The following CCKAR variants were observed in gnomAD, a reference collection of about 807,000 sequenced individuals.
CCKAR encodes the protein cholecystokinin A receptor.
CCKAR carries 21 observed loss-of-function variants against 29.8 expected under a neutral mutation model. That is an observed-to-expected ratio of 0.70 (90% CI 0.50 to 1.01). The LOEUF (loss-of-function observed/expected upper bound fraction) is 1.01. Among genes scored for constraint, CCKAR ranks in the 50% least tolerant of loss-of-function variants. CCKAR has a pLI of 0.00. For synonymous variants in CCKAR, 238 were observed against 221.3 expected (o/e 1.08, Z -0.67); for missense variants, 570 against 560.6 (o/e 1.02, Z -0.17).
chr4:26,489,104 C>CACAGCCTGATGTTCTGTGAT, intron 2 of CCKAR, 129 bp downstream of exon 2: 2 of 1,205,086 alleles, frequency 1.7e-6, no homozygotes, highest in Non-Finnish European at 2.4e-6. Context: ...CACAGCCATG[C>CACAGCCTGATGTTCTGTGAT]ACAGCCTGAT....
intron 1 of CCKAR, 105 bp downstream of exon 1, chr4:26,490,051 C>T (rs1737527425): frequency 1.4e-6 from 1 of 708,348 alleles, no homozygotes; most frequent in Non-Finnish European, 2.5e-6. Context: ...CTAGCCTTGT[C>T]TCACAATGAC....
intron 4 of CCKAR, 78 bp downstream of exon 4, chr4:26,483,078 C>T (rs931210092): frequency 6.9e-7 from 1 of 1,440,166 alleles, no homozygotes; most frequent in Non-Finnish European, 9.5e-7. Flanking sequence ...TACGTACACT[C>T]TGGGTATATC....
intron 3 of CCKAR, among the ~76,000 whole-genome samples, chr4:26,484,365 C>T (rs1005294885): frequency 7.9e-5 from 12 of 152,194 alleles, no homozygotes; most frequent in Admixed American, 7.9e-4. Context: ...CAGAGATGAT[C>T]TCAGTTTGGG....
Position 26,481,498 on chromosome 4 carries a change from C to T in CCKAR, c.*140G>A, listed in dbSNP as rs1737342777. 3.3e-6 allele frequency: 3 copies of T among 899,398 alleles called. No individual in the cohort carries two copies. In the Admixed American group the frequency reaches 6.6e-5, roughly 20 times the overall value. 55.7% of individuals were successfully genotyped at this position (899,398 alleles called of 1,614,324 possible). A position where few individuals can be genotyped will look rare whatever the true frequency, so the allele number is the denominator to read the frequency against. On this transcript the variant is annotated 3_prime_UTR_variant, in exon 5 of 5. Coordinates refer to ENST00000295589, the MANE Select transcript of CCKAR (RefSeq NM_000730.3). Reference sequence around the variant, plus strand: ...TGGAATCCAGATGAAGGATGAAAAGCAGACCTTGAAGAGTTCCCACTGGAG... The same window carrying T: ...TGGAATCCAGATGAAGGATGAAAAGTAGACCTTGAAGAGTTCCCACTGGAG...
At position 26,482,145 on chromosome 4, in the gene CCKAR, G is replaced by C. The variant is rs200117329; in HGVS notation, c.780C>G (p.Ser260Arg). 1 of 1,611,044 alleles carries C rather than the reference G, an allele frequency of 6.2e-7. No individual in the cohort carries two copies. The highest frequency in any genetic ancestry group is 2.2e-5 in the East Asian group (1 of 44,800). ...AKERKPSTTSSGKYEDSDGCY... is the reference protein window; with the variant it reads ...AKERKPSTTSRGKYEDSDGCY... ...ACCCATCGCTGTCCTCATATTTGCCGCTGCTGGTGGTGCTAGGTTTCCTTT... is the reference window on the plus strand; with the variant it reads ...ACCCATCGCTGTCCTCATATTTGCCCCTGCTGGTGGTGCTAGGTTTCCTTT... Residue 260 changes from serine to arginine, a missense_variant, in exon 5 of 5, where the codon AGC (serine) becomes AGG (arginine). Coordinates refer to ENST00000295589, the MANE Select transcript of CCKAR (RefSeq NM_000730.3).
At chr4:26,488,194 G>A (rs184472930) in intron 2 of CCKAR, among the ~76,000 whole-genome samples, 4 of 151,916 alleles carry the variant, frequency 2.6e-5, no homozygotes, top group African/African-American at 9.7e-5. Flanking sequence ...AAGGGCAAGG[G>A]ACTAGGCAAT....
intron 3 of CCKAR, 95 bp downstream of exon 3, chr4:26,485,542 A>G: frequency 7.4e-7 from 1 of 1,356,264 alleles, no homozygotes; most frequent in Admixed American, 1.9e-5. Context: ...CAGGAAACTG[A>G]TCCCCCAACC....
intron 2 of CCKAR, among the ~76,000 whole-genome samples, chr4:26,488,285 A>G (rs767959106): frequency 3.0e-4 from 45 of 152,340 alleles, no homozygotes; most frequent in Non-Finnish European, 5.7e-4. Context: ...CTGAGGTATC[A>G]TGCTCACCAT....
chr4:26,486,475 A>C (rs1315937391), intron 2 of CCKAR, among the ~76,000 whole-genome samples: 1 of 152,220 alleles, frequency 6.6e-6, no homozygotes, highest in African/African-American at 2.4e-5. Flanking sequence ...AAGACGAGGG[A>C]AAATGCCCCA....
At chr4:26,485,204 AAAAAAGAAAG>A (rs1737425604) in intron 3 of CCKAR, among the ~76,000 whole-genome samples, 1 of 151,766 alleles carries the variant, frequency 6.6e-6, no homozygotes, top group Non-Finnish European at 1.5e-5. Context: ...CAAAAAAAAA[AAAAAAGAAAG>A]AAAAAGAAAG....
At position 26,481,826 on chromosome 4, in the gene CCKAR, G is replaced by T. The variant is rs754280360; in HGVS notation, c.1099C>A (p.Pro367Thr). ...TTGTTCATGAAGCAGTAGATGATGG[G>T]GTTGACGCAGGAGGAGGTGTAGGAC... ...LLSYTSSCVN[P>T]IIYCFMNKRF... The change falls in exon 5 of 5, where the codon CCC becomes ACC. Residue 367 changes from proline to threonine, a missense_variant. Physicochemically the swap from Pro to Thr is conservative, Grantham distance 38 (BLOSUM62 -1). Transcript: ENST00000295589. The T allele has an allele frequency of 1.2e-6, 2 of 1,613,740 alleles. No homozygotes were observed. Among genetic ancestry groups the T allele is most frequent in the Admixed American group, 3.3e-5 (2 of 59,998 alleles).
At position 26,481,540 on chromosome 4, in the gene CCKAR, C is replaced by G. The variant is rs147714674; in HGVS notation, c.*98G>C. The G allele has an allele frequency of 9.5e-4, 1,254 of 1,313,614 alleles. 11 individuals are homozygous for G. In the African/African-American group the frequency reaches 0.016, roughly 17 times the overall value. The allele number at this position is 1,313,614 out of a possible 1,614,324, so 81.4% of individuals were successfully genotyped here. On this transcript the variant is annotated 3_prime_UTR_variant, in exon 5 of 5. Coordinates refer to ENST00000295589, the MANE Select transcript of CCKAR (RefSeq NM_000730.3). ...CCACTGGAGATGGAGCCTTCCTTCTCCATCAGCTCTGCTCCTTCTCTTCCT... is the reference window on the plus strand; with the variant it reads ...CCACTGGAGATGGAGCCTTCCTTCTGCATCAGCTCTGCTCCTTCTCTTCCT...
chr4:26,488,895 G>A (rs1245437994), intron 2 of CCKAR, among the ~76,000 whole-genome samples: 1 of 152,152 alleles, frequency 6.6e-6, no homozygotes, highest in African/African-American at 2.4e-5. Flanking sequence ...GGATAGAGCA[G>A]CTTAAAGTCA....
chr4:26,488,586 G>T (rs1737492299), intron 2 of CCKAR, among the ~76,000 whole-genome samples: 1 of 152,138 alleles, frequency 6.6e-6, no homozygotes, highest in Non-Finnish European at 1.5e-5. Context: ...GCCAATCAGG[G>T]TCAGCTTAGC....
intron 2 of CCKAR, among the ~76,000 whole-genome samples, chr4:26,487,998 C>A (rs980598082): frequency 1.3e-5 from 2 of 151,748 alleles, no homozygotes; most frequent in African/African-American, 2.4e-5. Flanking sequence ...AGTAATTCAC[C>A]ATCATTTTGT....
At chr4:26,489,962 C>T (rs970490478) in intron 1 of CCKAR, among the ~76,000 whole-genome samples, 194 bp downstream of exon 1, 1 of 152,108 alleles carries the variant, frequency 6.6e-6, no homozygotes, top group Non-Finnish European at 1.5e-5. Context: ...GCCCAACTCC[C>T]CCATGGGGGA....
At position 26,489,459 on chromosome 4, in the gene CCKAR, G is replaced by A. The variant is rs762667664; in HGVS notation, c.138C>T (p.Leu46=). The change falls in exon 2 of 5, where the codon CTC becomes CTT. Residue 46 remains leucine, a synonymous_variant. Transcript: ENST00000295589. ...TGAGCAGGAATATCAAGGAGTACAA[G>A]AGAATCTGCACCGCTGGCTGCCACT... The part of the protein sequence containing the change: ...SKEWQPAVQI[L]LYSLIFLLSV... The A allele has an allele frequency of 2.5e-6, 4 of 1,613,978 alleles. No individual in the cohort carries two copies. The South Asian group carries it at 4.4e-5, about 18-fold the overall frequency.
In CCKAR at chr4:26,485,194, C is replaced by CA. The variant is rs11308927; in HGVS notation, c.626+442dup. ...GGGCAACAAGAGCAAAATTCCGTCT[C>CA]AAAAAAAAAAAAAAAGAAAGAAAAA... is the stretch of plus-strand genomic sequence containing the variant. On this transcript the variant is annotated intron_variant, in intron 3 of 4. Transcript: ENST00000295589. Among the ~76,000 whole-genome samples the CA allele has an allele frequency of 1.0e-2, 1,054 of 105,440 alleles. 5 individuals carry two copies. Among genetic ancestry groups the CA allele is most frequent in the Non-Finnish European group, 0.013 (617 of 46,662 alleles). 69.2% of individuals were successfully genotyped at this position (105,440 alleles called of 152,430 possible). A position where few individuals can be genotyped will look rare whatever the true frequency, so the allele number is the denominator to read the frequency against.
At chr4:26,483,629 T>C (rs1737394013) in intron 3 of CCKAR, among the ~76,000 whole-genome samples, 5 of 152,200 alleles carry the variant, frequency 3.3e-5, no homozygotes, top group Admixed American at 3.3e-4. Flanking sequence ...CCCTTAAAAA[T>C]TACTTACATA....
Sources: allele counts gnomAD v4.1 joint callset (sites outside exome capture counted in the v4.1 genomes callset), GRCh38; gene constraint gnomAD v4.1.1; transcripts MANE v1.5; gene names NCBI Gene and HGNC (gene_info 2026-07-23, HGNC 2026-07-21).